CDH13: variants seen among roughly 807,000 people sequenced by gnomAD.
CDH13 encodes the protein cadherin-13.
In CDH13, 24 loss-of-function variants were observed where a neutral mutation model predicts 63.8. The ratio of observed to expected loss-of-function variants is 0.38; its 90% CI spans 0.27 to 0.53. The LOEUF is 0.53. CDH13 is among the 20% of genes least tolerant of loss of function. The pLI, the probability that CDH13 is intolerant of heterozygous loss-of-function variation, is 0.85. For synonymous variants in CDH13, 503 were observed against 355.3 expected (o/e 1.42, Z -4.67); for missense variants, 1,049 against 903.1 (o/e 1.16, Z -2.07).
chr16:83,283,846 A>G (rs2089243552), intron 5 of CDH13, among the ~76,000 whole-genome samples: 1 of 152,184 alleles, frequency 6.6e-6, no homozygotes, highest in African/African-American at 2.4e-5. Context: ...TTGTAATAAT[A>G]TCTTTATATC....
chr16:83,364,545 T>C (rs558869469), intron 6 of CDH13, among the ~76,000 whole-genome samples: 1 of 152,268 alleles, frequency 6.6e-6, no homozygotes, highest in Non-Finnish European at 1.5e-5. Context: ...CTATATAAAA[T>C]AGAGCTCAAG....
At chr16:82,808,055 G>C (rs373672211) in intron 1 of CDH13, among the ~76,000 whole-genome samples, 10 of 152,150 alleles carry the variant, frequency 6.6e-5, no homozygotes, top group African/African-American at 2.2e-4. Flanking sequence ...GGGGAGGAGA[G>C]AGTGTAGTCA....
At chr16:83,145,048 C>G (rs1177866792) in intron 4 of CDH13, among the ~76,000 whole-genome samples, 5 of 144,400 alleles carry the variant, frequency 3.5e-5, no homozygotes, top group African/African-American at 1.4e-4. Context: ...CTTGCCCTTG[C>G]AGACACAAGT....
intron 6 of CDH13, among the ~76,000 whole-genome samples, chr16:83,379,211 A>G (rs554958462): frequency 6.6e-6 from 1 of 152,334 alleles, no homozygotes; most frequent in South Asian, 2.1e-4. Flanking sequence ...TCACCAAAGT[A>G]ATAACAACTG....
intron 1 of CDH13, among the ~76,000 whole-genome samples, chr16:82,750,441 G>A (rs917575702): frequency 3.3e-5 from 5 of 152,076 alleles, no homozygotes; most frequent in African/African-American, 1.2e-4. Flanking sequence ...GAGCTTGTTG[G>A]TTATTCTGCT....
rs573312327 is a variant in CDH13 at position 83,447,559 on chromosome 16, G to A, written c.782-38918G>A. ...ACCATTGGTGCTGTTTGAGCTGGGC[G>A]GGGCAGATGATACCAGATCTTTAGC... On this transcript the variant is annotated intron_variant, in intron 6 of 13. Coordinates refer to ENST00000567109, the MANE Select transcript of CDH13 (RefSeq NM_001257.5). 5.9e-5 allele frequency among the ~76,000 whole-genome samples: 9 copies of A among 152,114 alleles called. 1 individual carries two copies. The highest frequency in any genetic ancestry group is 4.1e-4 in the South Asian group (2 of 4,822).
chr16:82,875,345 G>T (rs2040468900), intron 2 of CDH13, among the ~76,000 whole-genome samples: 1 of 152,154 alleles, frequency 6.6e-6, no homozygotes, highest in Non-Finnish European at 1.5e-5. Context: ...TGATGACTTA[G>T]TTAGGATTCT....
chr16:83,310,491 A>C (rs1362169665), intron 5 of CDH13, among the ~76,000 whole-genome samples: 2 of 152,194 alleles, frequency 1.3e-5, no homozygotes, highest in Non-Finnish European at 2.9e-5. Flanking sequence ...AGAGGAGAAC[A>C]CTGAAGATTC....
intron 2 of CDH13, among the ~76,000 whole-genome samples, chr16:82,906,819 A>G (rs928618334): frequency 6.6e-6 from 1 of 152,084 alleles, no homozygotes; most frequent in Non-Finnish European, 1.5e-5. Flanking sequence ...CTGCAGGTGC[A>G]TCTTGCCAAC....
At chr16:83,514,323 C>A (rs182170477) in intron 7 of CDH13, among the ~76,000 whole-genome samples, 58 of 152,298 alleles carry the variant, frequency 3.8e-4, no homozygotes, top group Admixed American at 3.5e-3. Flanking sequence ...GTAGGCCCTA[C>A]GTCCAGTATG....
At chr16:83,150,131 C>G (rs1285030934) in intron 4 of CDH13, among the ~76,000 whole-genome samples, 1 of 151,606 alleles carries the variant, frequency 6.6e-6, no homozygotes, top group African/African-American at 2.4e-5. Context: ...TGAGTCAAGC[C>G]ACCAACTTCT....
At chr16:83,216,592 T>C (rs2039539442) in intron 4 of CDH13, among the ~76,000 whole-genome samples, 1 of 143,766 alleles carries the variant, frequency 7.0e-6, no homozygotes, top group Non-Finnish European at 1.5e-5. Context: ...TATATTAATA[T>C]ATAATACATA....
At position 83,097,542 on chromosome 16, in the gene CDH13, C is replaced by T. The variant is rs2034267028; in HGVS notation, c.367-27843C>T. On this transcript the variant is annotated intron_variant, in intron 3 of 13. Transcript: ENST00000567109. ...GTAAGGATGATCTCACTGGTGCAGC[C>T]AATACCCCAGTAATCAATATGGATG... Among the ~76,000 whole-genome samples the T allele has an allele frequency of 2.0e-5, 3 of 152,242 alleles. No individual in the cohort carries two copies. The South Asian group carries it at 6.2e-4, about 32-fold the overall frequency.
chr16:83,752,269 A>G (rs1259786698), intron 11 of CDH13, among the ~76,000 whole-genome samples: 1 of 152,230 alleles, frequency 6.6e-6, no homozygotes, highest in African/African-American at 2.4e-5. Flanking sequence ...GAAACTAGAA[A>G]TGCGGTATAC....
At chr16:82,730,472 T>A (rs2033342196) in intron 1 of CDH13, among the ~76,000 whole-genome samples, 1 of 152,186 alleles carries the variant, frequency 6.6e-6, no homozygotes, top group East Asian at 1.9e-4. Flanking sequence ...ATACAACATT[T>A]ACCTATTACG....
intron 1 of CDH13, among the ~76,000 whole-genome samples, chr16:82,736,363 A>G (rs781158052): frequency 1.1e-4 from 16 of 152,198 alleles, no homozygotes; most frequent in Non-Finnish European, 2.2e-4. Flanking sequence ...GAACTTCTTA[A>G]AGGTTGACAC....
chr16:83,635,796 G>T (rs1172344963), intron 8 of CDH13, among the ~76,000 whole-genome samples: 1 of 152,056 alleles, frequency 6.6e-6, no homozygotes, highest in African/African-American at 2.4e-5. Flanking sequence ...CAGAACAAAA[G>T]TTTTTAATTT....
intron 3 of CDH13, among the ~76,000 whole-genome samples, chr16:83,097,774 G>A (rs1304986024): frequency 1.3e-5 from 2 of 152,188 alleles, no homozygotes; most frequent in Non-Finnish European, 2.9e-5. Flanking sequence ...GATGATTCCA[G>A]TACAAAAAGG....
At chr16:82,638,172 G>A (rs1189509618) in intron 1 of CDH13, among the ~76,000 whole-genome samples, 2 of 152,010 alleles carry the variant, frequency 1.3e-5, no homozygotes, top group Admixed American at 6.5e-5. Flanking sequence ...TATGAAGAAC[G>A]CTGCAAACCT....
Sources: gnomAD v4.1 joint callset for allele counts (sites outside exome capture counted in the v4.1 genomes callset) on GRCh38, gnomAD v4.1.1 for gene constraint, MANE v1.5 for transcripts, NCBI Gene and HGNC (gene_info 2026-07-23, HGNC 2026-07-21) for gene names.